THSD7B: variants seen among roughly 807,000 people sequenced by gnomAD.
The protein encoded by THSD7B is thrombospondin type 1 domain containing 7B.
In THSD7B, 138 loss-of-function variants were observed where a neutral mutation model predicts 213.6. That is an observed-to-expected ratio of 0.65 (90% CI 0.56 to 0.74). The LOEUF is 0.74. THSD7B is among the 30% of genes least tolerant of loss of function. The pLI is 0.00. For synonymous variants in THSD7B, 742 were observed against 687.0 expected, an observed-to-expected ratio of 1.08 and a Z score of -1.25; for missense variants, 1,931 against 1,991.5, an observed-to-expected ratio of 0.97 and a Z score of 0.58.
chr2:137,465,374 G>A (rs1050701076), intron 15 of THSD7B, among the ~76,000 whole-genome samples: 7 of 152,052 alleles, frequency 4.6e-5, no homozygotes, highest in Non-Finnish European at 8.8e-5. Context: ...GTTGCCAAAC[G>A]TGGCTGCACA....
rs559151684 is a variant in THSD7B at position 136,909,063 on chromosome 2, G to A, written c.139+26746G>A. Among the ~76,000 whole-genome samples the A allele has an allele frequency of 8.3e-4, 126 of 152,108 alleles. 1 individual carries two copies. The highest frequency in any genetic ancestry group is 3.0e-3 in the African/African-American group (124 of 41,494). On this transcript the variant is annotated intron_variant, in intron 2 of 27. Coordinates refer to ENST00000409968, the MANE Select transcript of THSD7B (RefSeq NM_001316349.2). ...TCAGGCATGATGGCATGTCCCTGTAGTCCCAGCTACTAGGGAGGCTAAGGT... is the reference window on the plus strand; with the variant it reads ...TCAGGCATGATGGCATGTCCCTGTAATCCCAGCTACTAGGGAGGCTAAGGT...
At chr2:137,145,910 A>G (rs1183542753) in intron 5 of THSD7B, among the ~76,000 whole-genome samples, 6 of 152,136 alleles carry the variant, frequency 3.9e-5, no homozygotes, top group Non-Finnish European at 7.4e-5. Flanking sequence ...TTAATGAAAT[A>G]ATTATTCTCA....
chr2:136,978,637 G>A (rs1685525635), intron 2 of THSD7B, among the ~76,000 whole-genome samples: 1 of 152,046 alleles, frequency 6.6e-6, no homozygotes, highest in South Asian at 2.1e-4. Flanking sequence ...CTGTTTGCTT[G>A]GTAAATTTTC....
At chr2:137,237,170 G>A (rs1425936971) in intron 9 of THSD7B, among the ~76,000 whole-genome samples, 1 of 149,552 alleles carries the variant, frequency 6.7e-6, no homozygotes, top group Non-Finnish European at 1.5e-5. Flanking sequence ...GACAAGAGTT[G>A]TAGAACATTC....
chr2:137,528,216 G>C (rs1680315345), intron 15 of THSD7B, among the ~76,000 whole-genome samples: 1 of 152,070 alleles, frequency 6.6e-6, no homozygotes, highest in Non-Finnish European at 1.5e-5. Context: ...GTGTTTCATT[G>C]TATAGTTTGG....
chr2:137,362,463 A>G (rs1453654125), intron 12 of THSD7B, among the ~76,000 whole-genome samples: 2 of 152,198 alleles, frequency 1.3e-5, no homozygotes, highest in African/African-American at 4.8e-5. Flanking sequence ...GTCAAGACCC[A>G]TCAGTGCGTT....
chr2:137,268,145 CTTTAT>C (rs67359966), intron 10 of THSD7B, among the ~76,000 whole-genome samples: 4,841 of 152,070 alleles, frequency 0.032, 80 homozygotes, highest in East Asian at 0.051. Context: ...AGAGAGGATT[CTTTAT>C]TTTATTTTAT....
At chr2:137,510,919 G>A (rs577486651) in intron 15 of THSD7B, among the ~76,000 whole-genome samples, 65 of 152,210 alleles carry the variant, frequency 4.3e-4, no homozygotes, top group Non-Finnish European at 7.8e-4. Flanking sequence ...TGATTTGGAA[G>A]GGAGGTATAC....
Position 137,415,542 on chromosome 2 carries a change from C to T in THSD7B, c.2959+3670C>T, listed in dbSNP as rs1271740846. Reference sequence around the variant, plus strand: ...TGCCTGATGCAAAAGTGCATGGTGTCGTCTCCATCTGTGTGACAACAGGTC... The same window carrying T: ...TGCCTGATGCAAAAGTGCATGGTGTTGTCTCCATCTGTGTGACAACAGGTC... On this transcript the variant is annotated intron_variant, in intron 14 of 27. Coordinates refer to ENST00000409968, the MANE Select transcript of THSD7B (RefSeq NM_001316349.2). Among the ~76,000 whole-genome samples the T allele has an allele frequency of 3.3e-5, 5 of 152,010 alleles. 1 individual carries two copies. The South Asian group carries it at 6.2e-4, about 19-fold the overall frequency.
intron 10 of THSD7B, among the ~76,000 whole-genome samples, chr2:137,252,044 G>T (rs1682190432): frequency 6.6e-6 from 1 of 151,986 alleles, no homozygotes; most frequent in Non-Finnish European, 1.5e-5. Flanking sequence ...GAGGTGGGTG[G>T]ATCATGAGGT....
chr2:137,110,604 G>C (rs1267105953), intron 4 of THSD7B, among the ~76,000 whole-genome samples: 1 of 152,118 alleles, frequency 6.6e-6, no homozygotes, highest in African/African-American at 2.4e-5. Flanking sequence ...GAATGAGCAG[G>C]GAGCAATGTT....
intron 12 of THSD7B, among the ~76,000 whole-genome samples, chr2:137,354,859 T>C (rs1260311555): frequency 1.3e-5 from 2 of 152,042 alleles, no homozygotes; most frequent in Non-Finnish European, 2.9e-5. Flanking sequence ...CTTGATCATC[T>C]AATCAAAAGG....
At chr2:136,949,832 C>T (rs1239046704) in intron 2 of THSD7B, among the ~76,000 whole-genome samples, 1 of 152,158 alleles carries the variant, frequency 6.6e-6, no homozygotes, top group Non-Finnish European at 1.5e-5. Flanking sequence ...AATCCCACTA[C>T]TGGATATATA....
chr2:137,379,869 C>T lies in THSD7B; in HGVS notation c.2501-25744C>T, dbSNP rs1685735627. On this transcript the variant is annotated intron_variant, in intron 12 of 27. Transcript: ENST00000409968. Reference sequence around the variant, plus strand: ...CTGTGCTACTAGGGCTCTTGCCCTGCTCCACACCAGCTCTCTACCTGGTGA... The same window carrying T: ...CTGTGCTACTAGGGCTCTTGCCCTGTTCCACACCAGCTCTCTACCTGGTGA... Among the ~76,000 whole-genome samples, 5 of 152,230 alleles carry T rather than the reference C, an allele frequency of 3.3e-5. No individual in the cohort carries two copies. The South Asian group carries it at 1.0e-3, about 31-fold the overall frequency.
At chr2:137,016,814 T>C (rs1408114538) in intron 2 of THSD7B, among the ~76,000 whole-genome samples, 1 of 152,202 alleles carries the variant, frequency 6.6e-6, no homozygotes, top group Non-Finnish European at 1.5e-5. Context: ...AACCTCTGTA[T>C]TAAACATTTA....
intron 15 of THSD7B, among the ~76,000 whole-genome samples, chr2:137,466,836 G>T (rs1229515564): frequency 1.3e-5 from 2 of 152,080 alleles, no homozygotes; most frequent in Non-Finnish European, 2.9e-5. Context: ...CTGTGGCTCA[G>T]CAATGTCATA....
At chr2:137,197,634 G>A (rs952605341) in intron 7 of THSD7B, among the ~76,000 whole-genome samples, 1 of 152,094 alleles carries the variant, frequency 6.6e-6, no homozygotes, top group African/African-American at 2.4e-5. Context: ...AGATGAATGG[G>A]GGAGGCATGC....
chr2:137,230,848 A>G (rs758402389), intron 7 of THSD7B, among the ~76,000 whole-genome samples, 196 bp from the exon 8 acceptor site: 3 of 152,250 alleles, frequency 2.0e-5, no homozygotes, highest in Non-Finnish European at 4.4e-5. Context: ...ATGAAAGATT[A>G]CAAATGGGAG....
intron 15 of THSD7B, among the ~76,000 whole-genome samples, chr2:137,510,924 G>A (rs1679948474): frequency 6.6e-6 from 1 of 152,010 alleles, no homozygotes; most frequent in South Asian, 2.1e-4. Context: ...TGGAAGGGAG[G>A]TATACTAACT....
Sources: allele counts gnomAD v4.1 joint callset (sites outside exome capture counted in the v4.1 genomes callset), GRCh38; gene constraint gnomAD v4.1.1; transcripts MANE v1.5; gene names NCBI Gene and HGNC (gene_info 2026-07-23, HGNC 2026-07-21).